The following PRDM6 variants were observed in gnomAD, a reference collection of about 807,000 sequenced individuals.
PRDM6 encodes PR/SET domain 6, also known as putative histone-lysine N-methyltransferase PRDM6.
In PRDM6, 25 loss-of-function variants were observed where a neutral mutation model predicts 60.8. The observed-to-expected ratio is 0.41, with a 90% confidence interval of 0.30 to 0.57. The LOEUF (loss-of-function observed/expected upper bound fraction) is 0.57, where lower values mean the gene tolerates loss of function less well. PRDM6 is among the 20% of genes least tolerant of loss of function. The probability of loss-of-function intolerance (pLI) is 0.27; values close to 1 mark genes in which losing one functional copy is unlikely to be tolerated. For missense variants in PRDM6, 839 were observed against 821.3 expected (o/e 1.02, Z -0.26); for synonymous variants, 407 against 357.4 (o/e 1.14, Z -1.57).
Position 123,114,657 on chromosome 5 carries a change from G to C in PRDM6, c.900+14696G>C, listed in dbSNP as rs561046768. ...GCTAAATTTGATCATTCAGGTTTAA[G>C]ATTAAGGTAACAGTTGAGGACAGAC... On this transcript the variant is annotated intron_variant, in intron 3 of 7. Transcript: ENST00000407847. Among the ~76,000 whole-genome samples the C allele has an allele frequency of 2.2e-4, 33 of 152,358 alleles. 1 individual carries two copies. Among genetic ancestry groups the C allele is most frequent in the African/African-American group, 7.2e-4 (30 of 41,590 alleles).
At chr5:123,159,747 A>G in intron 5 of PRDM6, 109 bp downstream of exon 5, 1 of 1,035,144 alleles carries the variant, frequency 9.7e-7, no homozygotes, top group Non-Finnish European at 1.4e-6. Context: ...TGTAATAAGT[A>G]ACACAAACAT....
chr5:123,179,197 GA>G (rs1766084561), intron 6 of PRDM6, among the ~76,000 whole-genome samples: 1 of 152,146 alleles, frequency 6.6e-6, no homozygotes, highest in South Asian at 2.1e-4. Context: ...ACCAAAAATT[GA>G]TTTACTTCTC....
chr5:123,189,637 G>T lies in PRDM6; in HGVS notation c.*2436G>T, dbSNP rs576065896. 1 of 152,298 alleles carries T rather than the reference G, an allele frequency of 6.6e-6. No homozygotes were observed. The highest frequency in any genetic ancestry group is 1.5e-5 in the Non-Finnish European group (1 of 68,032). The allele number at this position is 152,298 out of a possible 1,614,324, so 9.4% of individuals were successfully genotyped here. A position where few individuals can be genotyped will look rare whatever the true frequency, so the allele number is the denominator to read the frequency against. The stretch of plus-strand genomic sequence containing the variant: ...CTATTTTTATCCTCTATTATTAAGA[G>T]AAATTGTTGGCATATATATTCCACC... On this transcript the variant is annotated 3_prime_UTR_variant, in exon 8 of 8. Transcript: ENST00000407847.
intron 3 of PRDM6, among the ~76,000 whole-genome samples, chr5:123,110,431 G>A (rs1764285401): frequency 1.3e-5 from 2 of 151,330 alleles, no homozygotes; most frequent in South Asian, 2.1e-4. Context: ...GTTAATTTTT[G>A]TGTATTTAGT....
intron 3 of PRDM6, among the ~76,000 whole-genome samples, chr5:123,103,582 G>T (rs1046375493): frequency 6.6e-6 from 1 of 151,908 alleles, no homozygotes; most frequent in African/African-American, 2.4e-5. Flanking sequence ...AAGTGAAAAG[G>T]CACATTTGAT....
At chr5:123,182,277 A>C (rs1766181934) in intron 7 of PRDM6, among the ~76,000 whole-genome samples, 1 of 152,156 alleles carries the variant, frequency 6.6e-6, no homozygotes, top group Non-Finnish European at 1.5e-5. Flanking sequence ...TTCTGGCTTC[A>C]CTGCTCTGGA....
At chr5:123,109,196 C>CA (rs1554085795) in intron 3 of PRDM6, among the ~76,000 whole-genome samples, 1 of 51,034 alleles carries the variant, frequency 2.0e-5, no homozygotes, top group South Asian at 4.9e-4. Context: ...AAAGTGTTAA[C>CA]AAAAAAAGAT....
rs1213414059 is a variant in PRDM6, at chr5:123,190,687, G to T, written c.*3486G>T. Reference sequence around the variant, plus strand: ...GGTTCAGGTATGCAAAGATTTATACGAACATTTAGCAGTTCATCAATTTTT... The same window carrying T: ...GGTTCAGGTATGCAAAGATTTATACTAACATTTAGCAGTTCATCAATTTTT... On this transcript the variant is annotated 3_prime_UTR_variant, in exon 8 of 8. Coordinates refer to ENST00000407847, the MANE Select transcript of PRDM6 (RefSeq NM_001136239.4). 6.6e-6 allele frequency: 1 copy of T among 152,042 alleles called. No homozygotes were observed. The highest frequency in any genetic ancestry group is 1.5e-5 in the Non-Finnish European group (1 of 68,008). 9.4% of individuals were successfully genotyped at this position (152,042 alleles called of 1,614,324 possible).
chr5:123,090,089 A>C lies in PRDM6; in HGVS notation c.75A>C (p.Gln25His). The C allele has an allele frequency of 6.5e-7, 1 of 1,545,614 alleles. No individual in the cohort carries two copies. Among genetic ancestry groups the C allele is most frequent in the Non-Finnish European group, 8.7e-7 (1 of 1,144,988 alleles). The change falls in exon 2 of 8, where the codon CAA (glutamine) becomes CAC (histidine). Residue 25 changes from glutamine to histidine, a missense_variant. Physicochemically the swap from Gln to His is conservative, Grantham distance 24. Around this residue, in one of 2 missense-constraint regions of PRDM6, gnomAD observed 730 missense variants for 648.8 expected, o/e 1.13. Transcript: ENST00000407847. ...CAGCCTACCTGCAGCACTGGCAGCA[A>C]CTCTTCCCTCACGGAGGCGCAGGCC... ...VDPAYLQHWQ[Q>H]LFPHGGAGPL...
At position 123,143,148 on chromosome 5, in the gene PRDM6, A is replaced by AGTGTGTGTGTGT. The variant is rs139092433; in HGVS notation, c.901-12717_901-12706dup. 1.9e-3 allele frequency among the ~76,000 whole-genome samples: 284 copies of AGTGTGTGTGTGT among 145,976 alleles called. 1 individual carries two copies. The highest frequency in any genetic ancestry group is 3.4e-3 in the African/African-American group (135 of 39,444). Reference sequence around the variant, plus strand: ...TATGGGATTTGGCAGTAGTTTTTAAAGTGTGTGTGTGTGTGTGTGTGTGTG... The same window carrying AGTGTGTGTGTGT: ...TATGGGATTTGGCAGTAGTTTTTAAAGTGTGTGTGTGTGTGTGTGTGTGTGTGTGTGTGTGTG... On this transcript the variant is annotated intron_variant, in intron 3 of 7. Coordinates refer to ENST00000407847, the MANE Select transcript of PRDM6 (RefSeq NM_001136239.4).
At chr5:123,162,444 A>G (rs1285743545) in intron 5 of PRDM6, among the ~76,000 whole-genome samples, 1 of 152,214 alleles carries the variant, frequency 6.6e-6, no homozygotes, top group African/African-American at 2.4e-5. Flanking sequence ...ACCTGAGTGA[A>G]GCATTCTTGA....
intron 2 of PRDM6, among the ~76,000 whole-genome samples, chr5:123,094,432 TTCTCTCTCTCTC>T (rs3037346): frequency 6.8e-6 from 1 of 147,956 alleles, no homozygotes; most frequent in African/African-American, 2.5e-5. Flanking sequence ...GCTTTTGTGT[TTCTCTCTCTCTC>T]TCTCTCTCTC....
intron 3 of PRDM6, among the ~76,000 whole-genome samples, chr5:123,147,625 AG>A (rs1765276731): frequency 6.6e-6 from 1 of 152,224 alleles, no homozygotes; most frequent in Non-Finnish European, 1.5e-5. Flanking sequence ...AACATCAAAG[AG>A]GGCGGGTCTC....
chr5:123,109,796 A>G (rs1047079751), intron 3 of PRDM6, among the ~76,000 whole-genome samples: 1 of 152,178 alleles, frequency 6.6e-6, no homozygotes, highest in Admixed American at 6.5e-5. Flanking sequence ...CAAAGAACCA[A>G]CTTGCAAGAT....
chr5:123,153,446 G>A (rs1369972422), intron 3 of PRDM6, among the ~76,000 whole-genome samples: 1 of 152,166 alleles, frequency 6.6e-6, no homozygotes, highest in African/African-American at 2.4e-5. Context: ...AAGGTTGAAT[G>A]AGTTTGTTCA....
At chr5:123,105,327 A>T (rs1211806879) in intron 3 of PRDM6, among the ~76,000 whole-genome samples, 1 of 152,178 alleles carries the variant, frequency 6.6e-6, no homozygotes, top group Non-Finnish European at 1.5e-5. Flanking sequence ...GGTAAATGAA[A>T]CCTGCCCTCC....
intron 2 of PRDM6, among the ~76,000 whole-genome samples, chr5:123,094,432 TTCTC>T (rs3037346): frequency 4.7e-4 from 70 of 147,958 alleles, no homozygotes; most frequent in African/African-American, 6.2e-4. Context: ...GCTTTTGTGT[TTCTC>T]TCTCTCTCTC....
At chr5:123,117,265 G>A (rs149312563) in intron 3 of PRDM6, among the ~76,000 whole-genome samples, 3 of 152,164 alleles carry the variant, frequency 2.0e-5, no homozygotes, top group Non-Finnish European at 4.4e-5. Context: ...TAGTAAGGGG[G>A]TAGGGGTGGG....
At chr5:123,183,634 G>A (rs925488661) in intron 7 of PRDM6, among the ~76,000 whole-genome samples, 1 of 152,192 alleles carries the variant, frequency 6.6e-6, no homozygotes, top group Non-Finnish European at 1.5e-5. Flanking sequence ...CACATTGAAG[G>A]TCTTGGCTTT....
Sources: gnomAD v4.1 joint callset for allele counts (sites outside exome capture counted in the v4.1 genomes callset) on GRCh38, gnomAD v4.1.1 for gene constraint, gnomAD v4.1.1 regional missense constraint, MANE v1.5 for transcripts, NCBI Gene and HGNC (gene_info 2026-07-23, HGNC 2026-07-21) for gene names.